The following MYH15 variants were observed in gnomAD, a reference collection of about 807,000 sequenced individuals.
MYH15 encodes myosin heavy chain 15.
MYH15 carries 227 observed loss-of-function variants against 240.5 expected under a neutral mutation model. That is an observed-to-expected ratio of 0.94 (90% CI 0.85 to 1.05). The LOEUF (loss-of-function observed/expected upper bound fraction) is 1.05. Among genes scored for constraint, MYH15 ranks in the 50% least tolerant of loss-of-function variants. The probability of loss-of-function intolerance (pLI) is 0.00; values close to 1 mark genes in which losing one functional copy is unlikely to be tolerated. For synonymous variants in MYH15, 785 were observed against 796.7 expected, an observed-to-expected ratio of 0.99 and a Z score of 0.25; for missense variants, 2,217 against 2,247.5, an observed-to-expected ratio of 0.99 and a Z score of 0.27.
At chr3:108,491,329 A>G (rs2083346015) in intron 9 of MYH15, among the ~76,000 whole-genome samples, 1 of 152,210 alleles carries the variant, frequency 6.6e-6, no homozygotes, top group African/African-American at 2.4e-5. Context: ...TAGCAGCTCC[A>G]TAATAAATAT....
At chr3:108,390,933 T>C (rs898606714) in intron 37 of MYH15, among the ~76,000 whole-genome samples, 1 of 152,226 alleles carries the variant, frequency 6.6e-6, no homozygotes, top group African/African-American at 2.4e-5. Context: ...TTTTTCTGAT[T>C]TATCCTGTTA....
chr3:108,448,704 G>T (rs1212617695), intron 21 of MYH15, among the ~76,000 whole-genome samples: 1 of 151,906 alleles, frequency 6.6e-6, no homozygotes, highest in East Asian at 1.9e-4. Context: ...GTGAAAAACT[G>T]AAAGCTTTTC....
intron 12 of MYH15, among the ~76,000 whole-genome samples, chr3:108,471,781 A>G (rs146576113): frequency 8.5e-5 from 13 of 152,232 alleles, no homozygotes; most frequent in Non-Finnish European, 1.5e-4. Flanking sequence ...GTCCTGAATG[A>G]AGTCTTCCTT....
intron 1 of MYH15, among the ~76,000 whole-genome samples, chr3:108,527,831 A>G (rs771281350): frequency 2.0e-5 from 3 of 152,222 alleles, no homozygotes; most frequent in Non-Finnish European, 4.4e-5. Context: ...CTCATCTATA[A>G]TATGCCTTCA....
chr3:108,491,042 C>T (rs541280680), intron 9 of MYH15, among the ~76,000 whole-genome samples: 1 of 152,130 alleles, frequency 6.6e-6, no homozygotes, highest in Non-Finnish European at 1.5e-5. Context: ...CACCTGCCAC[C>T]ATGCCTGGCT....
chr3:108,497,148 G>A (rs1356893510), intron 6 of MYH15, among the ~76,000 whole-genome samples: 1 of 101,556 alleles, frequency 9.8e-6, no homozygotes, highest in Non-Finnish European at 1.8e-5. Context: ...GCGAAAGAGC[G>A]AGACTCCGTA....
intron 28 of MYH15, among the ~76,000 whole-genome samples, chr3:108,418,210 A>G (rs1413509042): frequency 6.6e-6 from 1 of 152,196 alleles, no homozygotes; most frequent in Non-Finnish European, 1.5e-5. Flanking sequence ...CTCAGCTCAG[A>G]GCTTAATCAC....
chr3:108,440,696 C>CAA lies in MYH15; in HGVS notation c.2898+320_2898+321dup, dbSNP rs35672120. ...AACCATATCATGCTCCCTCTCCTTC[C>CAA]AAAAAAAAAAAAAAGGGTTCTTACA... On this transcript the variant is annotated intron_variant, in intron 23 of 40. Coordinates refer to ENST00000693548, the MANE Select transcript of MYH15 (RefSeq NM_014981.3). Among the ~76,000 whole-genome samples the CAA allele has an allele frequency of 2.8e-3, 391 of 139,938 alleles. 1 individual carries two copies. The highest frequency in any genetic ancestry group is 7.5e-3 in the Middle Eastern group (2 of 268). The allele number at this position is 139,938 out of a possible 152,430, so 91.8% of individuals were successfully genotyped here. A position where few individuals can be genotyped will look rare whatever the true frequency, so the allele number is the denominator to read the frequency against.
intron 27 of MYH15, among the ~76,000 whole-genome samples, chr3:108,421,514 G>T (rs1047924821): frequency 6.6e-6 from 1 of 152,162 alleles, no homozygotes; most frequent in African/African-American, 2.4e-5. Flanking sequence ...CATGTCAAAC[G>T]CTAATGAGAT....
intron 1 of MYH15, among the ~76,000 whole-genome samples, chr3:108,507,242 T>TTTTCAC (rs1226072168): frequency 2.5e-5 from 1 of 40,364 alleles, no homozygotes; most frequent in African/African-American, 7.9e-5. Flanking sequence ...TATATATATA[T>TTTTCAC]ATATATATAT....
intron 9 of MYH15, among the ~76,000 whole-genome samples, chr3:108,490,264 C>T (rs1191155383): frequency 6.6e-6 from 1 of 152,168 alleles, no homozygotes; most frequent in Non-Finnish European, 1.5e-5. Context: ...GAGCTTTCCC[C>T]ATTTGGTAAG....
rs148316978 is a variant in MYH15, at chr3:108,419,294, T to A, written c.3829+1794A>T. Among the ~76,000 whole-genome samples, 22 of 152,114 alleles carry A rather than the reference T, an allele frequency of 1.4e-4. No individual in the cohort carries two copies. The East Asian group carries it at 3.9e-3, about 27-fold the overall frequency. ...GAGGGGAGGATAGGCTTGAATAAAT[T>A]TGTACTTCTAATTTAATTTACACAA... On this transcript the variant is annotated intron_variant, in intron 28 of 40. Coordinates refer to ENST00000693548, the MANE Select transcript of MYH15 (RefSeq NM_014981.3).
At chr3:108,413,628 C>T (rs1166439104) in intron 30 of MYH15, among the ~76,000 whole-genome samples, 1 of 152,176 alleles carries the variant, frequency 6.6e-6, no homozygotes. Flanking sequence ...GTGCCCCAAA[C>T]TTGTGTAACT....
chr3:108,426,145 T>C (rs1011390420), intron 27 of MYH15, among the ~76,000 whole-genome samples: 1 of 151,526 alleles, frequency 6.6e-6, no homozygotes, highest in Admixed American at 6.6e-5. Flanking sequence ...AGAAGCAGAA[T>C]TGAAAGATTT....
At chr3:108,388,852 G>A (rs532975888) in intron 38 of MYH15, 118 bp downstream of exon 38, 2 of 771,382 alleles carry the variant, frequency 2.6e-6, no homozygotes, top group Non-Finnish European at 4.2e-6. Flanking sequence ...ACTGCTGAAG[G>A]AGAACAAAGA....
intron 28 of MYH15, among the ~76,000 whole-genome samples, chr3:108,418,137 A>G (rs1192743684): frequency 1.3e-5 from 2 of 152,240 alleles, no homozygotes; most frequent in Non-Finnish European, 2.9e-5. Context: ...AGCCTAAATA[A>G]GCCTAGTTTG....
the MYH15 span, among the ~76,000 whole-genome samples, chr3:108,534,475 ATT>A: frequency 1.3e-5 from 2 of 152,086 alleles, no homozygotes; most frequent in Non-Finnish European, 2.9e-5. Context: ...AACTGGTTTA[ATT>A]TTGTCTCAAC....
At position 108,427,598 on chromosome 3, in the gene MYH15, G is replaced by GAC. The variant is rs71629356; in HGVS notation, c.3702+892_3702+893dup. ...CATTACAGCAGCAGGAATGGACTAA[G>GAC]ACACACACACACACACACAACACAC... On this transcript the variant is annotated intron_variant, in intron 27 of 40. Transcript: ENST00000693548. 9.5e-4 allele frequency among the ~76,000 whole-genome samples: 135 copies of GAC among 142,636 alleles called. 2 individuals are homozygous for GAC. In the East Asian group the frequency reaches 0.013, roughly 14 times the overall value. The allele number at this position is 142,636 out of a possible 152,430, so 93.6% of individuals were successfully genotyped here.
In MYH15 at chr3:108,470,306, T is replaced by C. The variant is rs1027573610; in HGVS notation, c.1384-94A>G. 7 of 891,866 alleles carry C rather than the reference T, an allele frequency of 7.8e-6. No individual in the cohort carries two copies. In the Admixed American group the frequency reaches 1.7e-4, roughly 22 times the overall value. The allele number at this position is 891,866 out of a possible 1,614,324, so 55.2% of individuals were successfully genotyped here. The stretch of plus-strand genomic sequence containing the variant: ...AGTAAAGAAAAAACCATAACCATTA[T>C]TATATGATCAGAAATAGACCCAACA... On this transcript the variant is annotated intron_variant, in intron 13 of 40. Transcript: ENST00000693548.
Sources: allele counts gnomAD v4.1 joint callset (sites outside exome capture counted in the v4.1 genomes callset), GRCh38; gene constraint gnomAD v4.1.1; transcripts MANE v1.5; gene names NCBI Gene and HGNC (gene_info 2026-07-23, HGNC 2026-07-21).